Variants in RADX observed in about 807,000 individuals in gnomAD.
The protein encoded by RADX is RPA-related protein RADX.
Under a neutral mutation model 61.6 loss-of-function variants are expected in RADX, and 36 were observed. That is an observed-to-expected ratio of 0.58 (90% CI 0.45 to 0.77). The LOEUF (loss-of-function observed/expected upper bound fraction) is 0.77. Among genes scored for constraint, RADX ranks in the 30% least tolerant of loss-of-function variants. RADX has a pLI of 0.00. For missense variants in RADX, 497 were observed against 651.1 expected, an observed-to-expected ratio of 0.76 and a Z score of 2.58; for synonymous variants, 272 against 237.9, an observed-to-expected ratio of 1.14 and a Z score of -1.32.
At chrX:106,623,775 G>T (rs138005244) in intron 2 of RADX, among the ~76,000 whole-genome samples, 2 of 110,950 alleles carry the variant, frequency 1.8e-5, no homozygotes, top group South Asian at 7.5e-4. Flanking sequence ...ATTTTGTGTC[G>T]TTTAACATTT....
At chrX:106,658,512 A>G (rs899799187) in intron 11 of RADX, among the ~76,000 whole-genome samples, 1 of 112,226 alleles carries the variant, frequency 8.9e-6, no homozygotes, top group Non-Finnish European at 1.9e-5. Context: ...TTGGCCACAT[A>G]GGAAGACACA....
intron 4 of RADX, 92 bp from the exon 5 acceptor site, chrX:106,632,840 C>A: frequency 1.1e-6 from 1 of 937,703 alleles, no homozygotes; most frequent in Non-Finnish European, 1.5e-6. Flanking sequence ...TAAGCTATAG[C>A]AATTATGTAG....
intron 13 of RADX, among the ~76,000 whole-genome samples, chrX:106,673,437 C>T (rs1928415801): frequency 9.1e-6 from 1 of 110,415 alleles, no homozygotes; most frequent in Admixed American, 9.7e-5. Flanking sequence ...GAGCTAAGGC[C>T]CGAAACGATG....
At chrX:106,641,881 T>C (rs985730482) in intron 10 of RADX, among the ~76,000 whole-genome samples, 1 of 111,597 alleles carries the variant, frequency 9.0e-6, no homozygotes, top group African/African-American at 3.3e-5. Context: ...TAAGCATGGG[T>C]CTTTACTACA....
chrX:106,671,027 T>TA (rs767786741), intron 13 of RADX, among the ~76,000 whole-genome samples: 1 of 111,608 alleles, frequency 9.0e-6, no homozygotes, highest in South Asian at 3.8e-4. Flanking sequence ...AGGTACCAGG[T>TA]AAAAATGAAA....
At chrX:106,628,074 G>A (rs1269958242) in intron 3 of RADX, among the ~76,000 whole-genome samples, 1 of 111,147 alleles carries the variant, frequency 9.0e-6, no homozygotes, top group Non-Finnish European at 1.9e-5. Flanking sequence ...GACCTCAAAT[G>A]ATCTACCTGC....
chrX:106,624,330 A>G (rs1328752054), intron 2 of RADX, among the ~76,000 whole-genome samples: 2 of 111,679 alleles, frequency 1.8e-5, no homozygotes, highest in Non-Finnish European at 3.8e-5. Context: ...ATACCTGTTA[A>G]TAGATTTGCT....
At chrX:106,623,336 C>A (rs73529255) in intron 2 of RADX, among the ~76,000 whole-genome samples, 2,946 of 111,605 alleles carry the variant, frequency 0.026, 97 homozygotes, top group African/African-American at 0.091. Context: ...ACTCTCTGTG[C>A]CATATAATGC....
chrX:106,616,216 T>C (rs1926798149), intron 1 of RADX, among the ~76,000 whole-genome samples: 1 of 111,642 alleles, frequency 9.0e-6, no homozygotes, highest in South Asian at 3.7e-4. Context: ...CACCTAGATC[T>C]CAAAGTTGTA....
chrX:106,677,107 A>C (rs2147647631), intron 13 of RADX, among the ~76,000 whole-genome samples: 1 of 112,119 alleles, frequency 8.9e-6, no homozygotes, highest in South Asian at 3.7e-4. Context: ...GGAATGCTCC[A>C]AACTGGGTAA....
intron 13 of RADX, among the ~76,000 whole-genome samples, chrX:106,671,119 A>G (rs1033013273): frequency 9.0e-5 from 10 of 110,766 alleles, no homozygotes; most frequent in African/African-American, 3.3e-4. Flanking sequence ...TATTATTTGA[A>G]CTCTTTAAGA....
intron 11 of RADX, among the ~76,000 whole-genome samples, chrX:106,657,715 T>C (rs1275140587): frequency 9.0e-6 from 1 of 111,356 alleles, no homozygotes. Flanking sequence ...TGGCCAGTAA[T>C]TGGGGCAGTT....
chrX:106,678,109 A>G lies in RADX; in HGVS notation c.2438-19A>G, dbSNP rs1405928833. 2 of 1,116,169 alleles carry G rather than the reference A, an allele frequency of 1.8e-6. No individual in the cohort carries two copies. Among genetic ancestry groups the G allele is most frequent in the African/African-American group, 1.8e-5 (1 of 55,448 alleles). 92.0% of individuals were successfully genotyped at this position (1,116,169 alleles called of 1,213,427 possible). A position where few individuals can be genotyped will look rare whatever the true frequency, so the allele number is the denominator to read the frequency against. The stretch of plus-strand genomic sequence containing the variant: ...ATTTAACTATTTTACAGTACTTACC[A>G]TCTGCTTTTTACTTTTAGGTGATAT... On this transcript the variant is annotated intron_variant, in intron 13 of 13. Coordinates refer to ENST00000372548, the MANE Select transcript of RADX (RefSeq NM_018015.6).
intron 1 of RADX, among the ~76,000 whole-genome samples, chrX:106,618,665 G>T (rs1926869586): frequency 9.0e-6 from 1 of 110,886 alleles, no homozygotes; most frequent in Non-Finnish European, 1.9e-5. Flanking sequence ...GCCGGGGCAT[G>T]AATTTGTGCC....
Position 106,648,366 on chromosome X carries a change from G to T in RADX, c.1958G>T (p.Gly653Val), listed in dbSNP as rs1415929783. Residue 653 changes from glycine (G) to valine (V), a missense_variant, in exon 11 of 14, where the codon GGC becomes GTC. Physicochemically the swap from Gly to Val is moderately radical, Grantham distance 109. This residue lies in a region of RADX where 267 missense variants were observed against 306.9 expected (regional missense o/e 0.87). Coordinates refer to ENST00000372548, the MANE Select transcript of RADX (RefSeq NM_018015.6). ...GTACAAACAAAGGGAATTAAACCGGGCATGCCAAGCATCTTCAACCGTATG... is the reference window on the plus strand; with the variant it reads ...GTACAAACAAAGGGAATTAAACCGGTCATGCCAAGCATCTTCAACCGTATG... ...ASVQTKGIKPGMPSIFNRRAN... is the reference protein window; with the variant it reads ...ASVQTKGIKPVMPSIFNRRAN... 5 of 1,185,960 alleles carry T rather than the reference G, an allele frequency of 4.2e-6. No individual in the cohort carries two copies. The South Asian group carries it at 9.0e-5, about 21-fold the overall frequency.
chrX:106,634,879 G>T (rs1038063495), intron 6 of RADX, among the ~76,000 whole-genome samples: 1 of 111,995 alleles, frequency 8.9e-6, no homozygotes, highest in South Asian at 3.7e-4. Context: ...AAGATTTCTC[G>T]CAGGAACTTT....
At chrX:106,640,991 G>A (rs1391034790) in intron 10 of RADX, among the ~76,000 whole-genome samples, 1 of 110,554 alleles carries the variant, frequency 9.0e-6, no homozygotes, top group African/African-American at 3.3e-5. Flanking sequence ...TAGGGTGCTG[G>A]CAATCTTTGG....
chrX:106,644,867 G>A (rs1478147031), intron 10 of RADX, among the ~76,000 whole-genome samples: 3 of 110,748 alleles, frequency 2.7e-5, no homozygotes, highest in Admixed American at 9.6e-5. Flanking sequence ...GAAATGTTTG[G>A]TAGAATTCAT....
chrX:106,650,983 T>C (rs938960317), intron 11 of RADX, among the ~76,000 whole-genome samples: 22 of 111,262 alleles, frequency 2.0e-4, no homozygotes, highest in Admixed American at 1.7e-3. Context: ...CCAATTTATA[T>C]CTAATAAAGG....
Sources: allele counts gnomAD v4.1 joint callset (sites outside exome capture counted in the v4.1 genomes callset), GRCh38; gene constraint gnomAD v4.1.1; regional missense constraint gnomAD v4.1.1; transcripts MANE v1.5; gene names NCBI Gene and HGNC (gene_info 2026-07-23, HGNC 2026-07-21).